The following METTL16 variants were observed in gnomAD, a reference collection of about 807,000 sequenced individuals.
The protein encoded by METTL16 is methyltransferase 16, RNA N6-adenosine.
METTL16 carries 19 observed loss-of-function variants against 57.9 expected under a neutral mutation model. The ratio of observed to expected loss-of-function variants is 0.33; its 90% confidence interval spans 0.23 to 0.48. The LOEUF is 0.48. Ranked by LOEUF, METTL16 falls within the 20% of genes least tolerant of loss-of-function variation. The probability of loss-of-function intolerance (pLI) is 0.99; values close to 1 mark genes in which losing one functional copy is unlikely to be tolerated. For missense variants in METTL16, 434 were observed against 691.5 expected (o/e 0.63, Z 4.18); for synonymous variants, 246 against 255.6 (o/e 0.96, Z 0.36).
chr17:2,509,621 C>T (rs1000998740), intron 1 of METTL16, among the ~76,000 whole-genome samples: 15 of 152,254 alleles, frequency 9.9e-5, no homozygotes, highest in Admixed American at 6.5e-5. Context: ...CGGGCACAGT[C>T]GCTCACGACT....
chr17:2,427,345 C>T (rs566001405), intron 8 of METTL16, among the ~76,000 whole-genome samples: 1 of 152,194 alleles, frequency 6.6e-6, no homozygotes, highest in South Asian at 2.1e-4. Flanking sequence ...ACAAAAAAGG[C>T]ACTCCCTAAA....
In METTL16 at chr17:2,497,569, A is replaced by T. The variant is rs547759828; in HGVS notation, c.128+4635T>A. On this transcript the variant is annotated intron_variant, in intron 2 of 9. Coordinates refer to ENST00000263092, the MANE Select transcript of METTL16 (RefSeq NM_024086.4). Reference sequence around the variant, plus strand: ...CTCAAGCCATTCGCTGGCCTCTCAAAGTGCTGGGAATATAGGCATGAGCCA... The same window carrying T: ...CTCAAGCCATTCGCTGGCCTCTCAATGTGCTGGGAATATAGGCATGAGCCA... 2.0e-5 allele frequency among the ~76,000 whole-genome samples: 3 copies of T among 151,542 alleles called. No individual in the cohort carries two copies. The East Asian group carries it at 5.8e-4, about 29-fold the overall frequency.
chr17:2,461,771 G>T (rs924082366), intron 6 of METTL16, among the ~76,000 whole-genome samples: 1 of 152,024 alleles, frequency 6.6e-6, no homozygotes, highest in Non-Finnish European at 1.5e-5. Context: ...TAGAGACGGG[G>T]TTTCACCATG....
intron 6 of METTL16, among the ~76,000 whole-genome samples, chr17:2,458,180 T>C (rs1031069626): frequency 6.6e-6 from 1 of 152,130 alleles, no homozygotes; most frequent in African/African-American, 2.4e-5. Flanking sequence ...GTGCCTGGCC[T>C]AGGCCCAGAT....
intron 5 of METTL16, among the ~76,000 whole-genome samples, chr17:2,465,238 G>C (rs1413162955): frequency 6.6e-6 from 1 of 151,996 alleles, no homozygotes; most frequent in Non-Finnish European, 1.5e-5. Context: ...CCACTAGGAT[G>C]GCTATAATCA....
chr17:2,432,925 T>A (rs1437113879), intron 8 of METTL16, among the ~76,000 whole-genome samples: 1 of 152,178 alleles, frequency 6.6e-6, no homozygotes, highest in African/African-American at 2.4e-5. Flanking sequence ...TTAGCGAAGT[T>A]AAGTAGCCTG....
intron 6 of METTL16, among the ~76,000 whole-genome samples, chr17:2,455,362 C>T (rs550203771): frequency 1.3e-5 from 2 of 152,336 alleles, no homozygotes; most frequent in South Asian, 2.1e-4. Flanking sequence ...GCCAGGATTA[C>T]AGGCGTGAGC....
chr17:2,486,098 G>A (rs189958909), intron 2 of METTL16, among the ~76,000 whole-genome samples: 3 of 152,186 alleles, frequency 2.0e-5, no homozygotes, highest in African/African-American at 7.2e-5. Context: ...CAGTCACTGT[G>A]CCTCAAATGC....
chr17:2,473,748 T>C (rs1597460847), intron 3 of METTL16, 84 bp from the exon 4 acceptor site: 1 of 1,426,842 alleles, frequency 7.0e-7, no homozygotes, highest in South Asian at 1.3e-5. Flanking sequence ...CTTCTCAGAA[T>C]TCTGTTTGCA....
intron 2 of METTL16, among the ~76,000 whole-genome samples, chr17:2,495,715 A>T (rs1409087891): frequency 6.6e-6 from 1 of 151,096 alleles, no homozygotes; most frequent in Non-Finnish European, 1.5e-5. Context: ...AAAAAAAGAA[A>T]AAGATTATTT....
chr17:2,491,029 A>T (rs2067384220), intron 2 of METTL16, among the ~76,000 whole-genome samples: 1 of 152,198 alleles, frequency 6.6e-6, no homozygotes, highest in South Asian at 2.1e-4. Context: ...AGATCCAGAC[A>T]CTAGTCTGAG....
intron 6 of METTL16, among the ~76,000 whole-genome samples, chr17:2,446,425 G>C (rs2066995558): frequency 1.3e-5 from 2 of 152,170 alleles, no homozygotes; most frequent in African/African-American, 4.8e-5. Context: ...ATGAAATCTA[G>C]GAAAAACCTA....
intron 1 of METTL16, among the ~76,000 whole-genome samples, chr17:2,502,557 G>A (rs2067497010): frequency 1.3e-5 from 2 of 151,926 alleles, no homozygotes; most frequent in South Asian, 2.1e-4. Flanking sequence ...GCATGGTGGC[G>A]GGAGCCTGTA....
chr17:2,480,047 A>G (rs1248036261), intron 2 of METTL16, among the ~76,000 whole-genome samples: 1 of 151,914 alleles, frequency 6.6e-6, no homozygotes, highest in Non-Finnish European at 1.5e-5. Context: ...TCAGCCAGGC[A>G]TGGTGGCGCA....
intron 1 of METTL16, among the ~76,000 whole-genome samples, chr17:2,502,702 T>A (rs1251818845): frequency 1.4e-4 from 21 of 150,408 alleles, no homozygotes; most frequent in Admixed American, 1.4e-3. Context: ...AAAAAAAAAA[T>A]CAGTGGGGAA....
intron 8 of METTL16, among the ~76,000 whole-genome samples, chr17:2,428,158 A>G (rs1015777016): frequency 6.6e-6 from 1 of 151,996 alleles, no homozygotes; most frequent in African/African-American, 2.4e-5. Context: ...TCTAAAAACA[A>G]TGACTAACCT....
At chr17:2,486,694 T>C (rs372509847) in intron 2 of METTL16, among the ~76,000 whole-genome samples, 18 of 151,476 alleles carry the variant, frequency 1.2e-4, no homozygotes, top group African/African-American at 4.4e-4. Context: ...AGATAAAGGC[T>C]GGGTGTGGTG....
Position 2,419,524 on chromosome 17 carries a change from T to G in METTL16, c.*446A>C, listed in dbSNP as rs1167118495. 2 of 438,682 alleles carry G rather than the reference T, an allele frequency of 4.6e-6. No homozygotes were observed. Among genetic ancestry groups the G allele is most frequent in the Non-Finnish European group, 9.1e-6 (2 of 219,998 alleles). 27.2% of individuals were successfully genotyped at this position (438,682 alleles called of 1,614,324 possible). On this transcript the variant is annotated 3_prime_UTR_variant, in exon 10 of 10. Transcript: ENST00000263092. Reference sequence around the variant, plus strand: ...GTAGGCCCCATCTTGAAGAGTGACCTAGAACAGGGTACCAGGGCCTCCAGC... The same window carrying G: ...GTAGGCCCCATCTTGAAGAGTGACCGAGAACAGGGTACCAGGGCCTCCAGC...
chr17:2,435,549 G>A (rs2066903145), intron 8 of METTL16, among the ~76,000 whole-genome samples: 1 of 152,216 alleles, frequency 6.6e-6, no homozygotes, highest in Non-Finnish European at 1.5e-5. Context: ...AAGGGCAGCA[G>A]TGCTAAGAAA....
Sources: gnomAD v4.1 joint callset for allele counts (sites outside exome capture counted in the v4.1 genomes callset) on GRCh38, gnomAD v4.1.1 for gene constraint, MANE v1.5 for transcripts, NCBI Gene and HGNC (gene_info 2026-07-23, HGNC 2026-07-21) for gene names.